The following PIEZO2 variants were observed in gnomAD, a reference collection of about 807,000 sequenced individuals.
PIEZO2 encodes the protein piezo type mechanosensitive ion channel component 2, also known as piezo-type mechanosensitive ion channel component 2.
A neutral mutation model predicts 337.3 loss-of-function variants in PIEZO2; 172 were observed. That is an observed-to-expected ratio of 0.51 (90% CI 0.45 to 0.58). The LOEUF (loss-of-function observed/expected upper bound fraction) is 0.58. Ranked by LOEUF, PIEZO2 falls within the 20% of genes least tolerant of loss-of-function variation. PIEZO2 has a pLI of 0.00. For missense variants in PIEZO2, 3,028 were observed against 3,391.3 expected (o/e 0.89, Z 2.66); for synonymous variants, 1,251 against 1,228.5 (o/e 1.02, Z -0.38).
intron 1 of PIEZO2, among the ~76,000 whole-genome samples, chr18:11,114,668 CAA>C (rs35996894): frequency 2.2e-4 from 31 of 144,076 alleles, no homozygotes; most frequent in Admixed American, 9.0e-4. Flanking sequence ...CTGTCTTAAA[CAA>C]AAAAAAAAAG....
chr18:10,720,447 A>G (rs867726181), intron 36 of PIEZO2, among the ~76,000 whole-genome samples: 18 of 51,548 alleles, frequency 3.5e-4, no homozygotes, highest in South Asian at 2.0e-3. Context: ...ATATATATAT[A>G]TATATATATA....
Position 11,033,643 on chromosome 18 carries a change from A to T in PIEZO2, c.160+32484T>A, listed in dbSNP as rs552399604. ...AAGCTAGTCTGAAAACATAAACCAT[A>T]TAACGAGTCAGACATATATAGCACA... On this transcript the variant is annotated intron_variant, in intron 2 of 55. Transcript: ENST00000674853. The surrounding 1 kb of genome is among the most constrained non-coding windows in gnomAD (Gnocchi z 4.2). 5.3e-5 allele frequency among the ~76,000 whole-genome samples: 8 copies of T among 152,234 alleles called. No individual in the cohort carries two copies. The highest frequency in any genetic ancestry group is 1.0e-4 in the Non-Finnish European group (7 of 68,040).
At chr18:10,811,734 T>C (rs991669664) in intron 7 of PIEZO2, among the ~76,000 whole-genome samples, 3 of 152,398 alleles carry the variant, frequency 2.0e-5, no homozygotes, top group Non-Finnish European at 2.9e-5. Context: ...GTTATTTTTG[T>C]TCTCTACTGG....
At chr18:10,709,344 C>G (rs4797466) in intron 39 of PIEZO2, 44,031 of 152,078 alleles carry the variant, frequency 0.29, 6,525 homozygotes, top group East Asian at 0.4. Flanking sequence ...GTGTGACACA[C>G]GCATAGTTTC....
intron 1 of PIEZO2, among the ~76,000 whole-genome samples, chr18:11,118,052 T>G (rs2039936458): frequency 6.6e-6 from 1 of 152,246 alleles, no homozygotes; most frequent in Non-Finnish European, 1.5e-5. Context: ...TTATGTTTCC[T>G]TCAATCCCCA....
At chr18:11,088,194 C>T (rs917846863) in intron 1 of PIEZO2, among the ~76,000 whole-genome samples, 2 of 152,096 alleles carry the variant, frequency 1.3e-5, no homozygotes, top group Non-Finnish European at 2.9e-5. Context: ...TCCTGTCTCC[C>T]CAGGAAATTA....
At position 10,853,885 on chromosome 18, in the gene PIEZO2, T is replaced by C. The variant is rs72973125; in HGVS notation, c.917+1468A>G. Among the ~76,000 whole-genome samples the C allele has an allele frequency of 0.045, 6,799 of 152,282 alleles. 196 individuals carry two copies. The highest frequency in any genetic ancestry group is 0.078 in the Middle Eastern group (23 of 294). Reference sequence around the variant, plus strand: ...ACCTAAGAAATCAGCAATAATTCTATAGTCCAATATCCAGTGAACATTGAA... The same window carrying C: ...ACCTAAGAAATCAGCAATAATTCTACAGTCCAATATCCAGTGAACATTGAA... On this transcript the variant is annotated intron_variant, in intron 7 of 55. Transcript: ENST00000674853. The surrounding 1 kb of genome is among the most constrained non-coding windows in gnomAD (Gnocchi z 4.2).
Position 10,962,768 on chromosome 18 carries a change from T to C in PIEZO2, c.286+16767A>G, listed in dbSNP as rs745400912. Reference sequence around the variant, plus strand: ...AAATCCATCATTTAGCCTCTTTAAATGGAAGGGTCATGGCTGCTAAGGCCC... The same window carrying C: ...AAATCCATCATTTAGCCTCTTTAAACGGAAGGGTCATGGCTGCTAAGGCCC... On this transcript the variant is annotated intron_variant, in intron 3 of 55. Transcript: ENST00000674853. This position sits in a 1 kb window ranked among gnomAD's most constrained non-coding sequence, Gnocchi z 4.1. 2.0e-5 allele frequency among the ~76,000 whole-genome samples: 3 copies of C among 152,196 alleles called. No individual in the cohort carries two copies. The highest frequency in any genetic ancestry group is 2.9e-5 in the Non-Finnish European group (2 of 68,042).
At position 11,051,707 on chromosome 18, in the gene PIEZO2, G is replaced by A. The variant is rs1474176023; in HGVS notation, c.160+14420C>T. Among the ~76,000 whole-genome samples the A allele has an allele frequency of 3.3e-5, 5 of 152,308 alleles. No individual in the cohort carries two copies. In the East Asian group the frequency reaches 5.8e-4, roughly 18 times the overall value. ...ATGCGTGTCCCCTATCTCAGACTGC[G>A]GCCACTTTACTGATAATATCAGAAC... On this transcript the variant is annotated intron_variant, in intron 2 of 55. Coordinates refer to ENST00000674853, the MANE Select transcript of PIEZO2 (RefSeq NM_001378183.1).
chr18:10,722,759 C>T (rs748263167), intron 36 of PIEZO2, among the ~76,000 whole-genome samples: 5 of 152,082 alleles, frequency 3.3e-5, no homozygotes, highest in Non-Finnish European at 5.9e-5. Context: ...TCTGAGCTAA[C>T]GTATTTAAAA....
At chr18:10,987,605 C>T (rs72868847) in intron 2 of PIEZO2, among the ~76,000 whole-genome samples, 20,414 of 151,818 alleles carry the variant, frequency 0.13, 1,528 homozygotes, top group East Asian at 0.18. Context: ...CAGGAGAAAA[C>T]ATAGGGAAAA....
intron 2 of PIEZO2, among the ~76,000 whole-genome samples, chr18:11,055,769 C>T (rs890805808): frequency 2.4e-4 from 36 of 152,298 alleles, no homozygotes; most frequent in African/African-American, 8.4e-4. Flanking sequence ...CAGGTCAAGT[C>T]AGTTGCAGGC....
At position 11,070,564 on chromosome 18, in the gene PIEZO2, G is replaced by A. The variant is rs372330325; in HGVS notation, c.65-4342C>T. 1.8e-3 allele frequency among the ~76,000 whole-genome samples: 280 copies of A among 152,312 alleles called. 3 individuals are homozygous for A. Among genetic ancestry groups the A allele is most frequent in the South Asian group, 0.015 (74 of 4,820 alleles). ...TCGAGACGGATATGAGAAAAACCAGGAAAGCCTAGCTTCACAAAGGGAAAG... is the reference window on the plus strand; with the variant it reads ...TCGAGACGGATATGAGAAAAACCAGAAAAGCCTAGCTTCACAAAGGGAAAG... On this transcript the variant is annotated intron_variant, in intron 1 of 55. Transcript: ENST00000674853. This position sits in a 1 kb window ranked among gnomAD's most constrained non-coding sequence, Gnocchi z 4.3.
chr18:10,797,324 C>A, intron 12 of PIEZO2, 50 bp downstream of exon 12: 1 of 1,325,790 alleles, frequency 7.5e-7, no homozygotes, highest in South Asian at 1.3e-5. Context: ...CACATACCAT[C>A]ATATCATATT....
chr18:10,770,289 G>C lies in PIEZO2; in HGVS notation c.2805C>G (p.His935Gln). ...EETSDLRNKW[H>Q]LVIDRLTVLF... ...GCACAGTGAGGCGGTCAATCACCAG[G>C]TGCCATTTGTTCCTTAAGTCTGCAA... Residue 935 changes from histidine (H) to glutamine (Q), a missense_variant, in exon 21 of 56, where the codon CAC becomes CAG. Physicochemically the swap from His to Gln is conservative, Grantham distance 24. Transcript: ENST00000674853. The C allele has an allele frequency of 6.5e-7, 1 of 1,537,490 alleles. No individual in the cohort carries two copies. Among genetic ancestry groups the C allele is most frequent in the South Asian group, 1.2e-5 (1 of 83,984 alleles).
rs1218461943 is a variant in PIEZO2, at chr18:11,143,635, ACACACT to A, written c.64+4884_64+4889del. Among the ~76,000 whole-genome samples the A allele has an allele frequency of 1.2e-3, 92 of 75,916 alleles. No homozygotes were observed. Among genetic ancestry groups the A allele is most frequent in the African/African-American group, 5.7e-3 (71 of 12,508 alleles). The allele number at this position is 75,916 out of a possible 152,430, so 49.8% of individuals were successfully genotyped here. A position where few individuals can be genotyped will look rare whatever the true frequency, so the allele number is the denominator to read the frequency against. On this transcript the variant is annotated intron_variant, in intron 1 of 55. Coordinates refer to ENST00000674853, the MANE Select transcript of PIEZO2 (RefSeq NM_001378183.1). This position sits in a 1 kb window ranked among gnomAD's most constrained non-coding sequence, Gnocchi z 4.9. The stretch of plus-strand genomic sequence containing the variant: ...CACACACACACACACACACACACAC[ACACACT>A]CTCTCTCTCTCTCTCTCTCTCTCTC...
At chr18:11,034,494 C>T (rs924496104) in intron 2 of PIEZO2, among the ~76,000 whole-genome samples, 6 of 151,952 alleles carry the variant, frequency 3.9e-5, no homozygotes, top group South Asian at 2.1e-4. Flanking sequence ...GGGGTTTCGC[C>T]GTGTTAGCCA....
At chr18:11,100,237 T>C (rs2039373787) in intron 1 of PIEZO2, among the ~76,000 whole-genome samples, 1 of 152,242 alleles carries the variant, frequency 6.6e-6, no homozygotes, top group South Asian at 2.1e-4. Flanking sequence ...AGTGTTTTGA[T>C]TAAATACATC....
At chr18:10,914,266 G>A (rs2030739425) in intron 3 of PIEZO2, among the ~76,000 whole-genome samples, 1 of 134,578 alleles carries the variant, frequency 7.4e-6, no homozygotes, top group Admixed American at 7.5e-5. Flanking sequence ...TTTAAAACAT[G>A]TTATTTTTTT....
Sources: gnomAD v4.1 joint callset for allele counts (sites outside exome capture counted in the v4.1 genomes callset) on GRCh38, gnomAD v4.1.1 for gene constraint, Gnocchi (gnomAD v3.1) non-coding constraint, MANE v1.5 for transcripts, NCBI Gene and HGNC (gene_info 2026-07-23, HGNC 2026-07-21) for gene names.